TNRC6A: variants seen among roughly 807,000 people sequenced by gnomAD.
TNRC6A encodes trinucleotide repeat-containing gene 6A protein.
TNRC6A carries 44 observed loss-of-function variants against 221.2 expected under a neutral mutation model. The observed-to-expected ratio is 0.20, with a 90% confidence interval of 0.16 to 0.26. The LOEUF (loss-of-function observed/expected upper bound fraction) is 0.26. Among genes scored for constraint, TNRC6A ranks in the 10% least tolerant of loss-of-function variants. The pLI is 1.00. For missense variants in TNRC6A, 2,199 were observed against 2,404.4 expected (o/e 0.91, Z 1.79); for synonymous variants, 847 against 838.5 (o/e 1.01, Z -0.18).
intron 2 of TNRC6A, chr16:24,662,557 T>C (rs1382391314): frequency 6.6e-6 from 1 of 152,154 alleles, no homozygotes; most frequent in East Asian, 1.9e-4. Flanking sequence ...AGAATCATTA[T>C]GGGTGCCTTA....
intron 2 of TNRC6A, among the ~76,000 whole-genome samples, chr16:24,708,713 T>C (rs1310212432): frequency 6.6e-6 from 1 of 152,152 alleles, no homozygotes; most frequent in East Asian, 1.9e-4. Flanking sequence ...TGCATCCTCA[T>C]AGCTTAGCTC....
chr16:24,806,854 C>T, intron 17 of TNRC6A, 70 bp downstream of exon 17: 1 of 1,396,708 alleles, frequency 7.2e-7, no homozygotes, highest in Non-Finnish European at 1.0e-6. Flanking sequence ...TTCACACGTA[C>T]CCTTACAGCT....
intron 2 of TNRC6A, among the ~76,000 whole-genome samples, chr16:24,701,097 A>G (rs1025890269): frequency 2.0e-5 from 3 of 152,360 alleles, no homozygotes; most frequent in Admixed American, 6.5e-5. Context: ...AAAGGCAGTT[A>G]AGTTCAGAGG....
chr16:24,781,041 C>CTTTTTTTTTT, intron 5 of TNRC6A, among the ~76,000 whole-genome samples: 1 of 85,002 alleles, frequency 1.2e-5, no homozygotes, highest in African/African-American at 6.5e-5. Context: ...AGCCTCCATA[C>CTTTTTTTTTT]TCTTTTTTTT....
chr16:24,786,423 T>G (rs2057970525), intron 5 of TNRC6A, among the ~76,000 whole-genome samples: 1 of 151,630 alleles, frequency 6.6e-6, no homozygotes, highest in Non-Finnish European at 1.5e-5. Context: ...CTTCCCAGGT[T>G]CATGCCATTC....
At chr16:24,675,698 C>CTATA (rs2055402994) in intron 2 of TNRC6A, among the ~76,000 whole-genome samples, 9 of 66,588 alleles carry the variant, frequency 1.4e-4, no homozygotes, top group Non-Finnish European at 2.3e-4. Flanking sequence ...CTCTCTCTCT[C>CTATA]TCTCTATATA....
In TNRC6A at chr16:24,717,224, A is replaced by G. The variant is rs554306491; in HGVS notation, n.403-33502A>G. ...ACCAGCCTCCCAAGTAGCTAGGACTACAGGCATGAGTCACTGTACCTGGCC... is the reference window on the plus strand; with the variant it reads ...ACCAGCCTCCCAAGTAGCTAGGACTGCAGGCATGAGTCACTGTACCTGGCC... On this transcript the variant is annotated intron_variant and non_coding_transcript_variant, in intron 2 of 2. Transcript: ENST00000566108. 2.6e-5 allele frequency among the ~76,000 whole-genome samples: 4 copies of G among 152,166 alleles called. No individual in the cohort carries two copies. In the South Asian group the frequency reaches 8.3e-4, roughly 32 times the overall value.
chr16:24,778,314 T>C (rs1045137516), intron 5 of TNRC6A: 25 of 984,988 alleles, frequency 2.5e-5, no homozygotes, highest in Admixed American at 1.2e-4. Context: ...AACTACTCTG[T>C]ACATTGTAAT....
chr16:24,727,280 C>A (rs984345237), upstream of TNRC6A, among the ~76,000 whole-genome samples: 1 of 152,136 alleles, frequency 6.6e-6, no homozygotes, highest in Non-Finnish European at 1.5e-5. Flanking sequence ...CTGCCCACTT[C>A]GGCCTCCCAA....
chr16:24,753,087 C>T (rs1367615939), intron 3 of TNRC6A, among the ~76,000 whole-genome samples: 1 of 152,082 alleles, frequency 6.6e-6, no homozygotes, highest in Non-Finnish European at 1.5e-5. Flanking sequence ...TCTAAATCAC[C>T]AAGTCAGTAT....
chr16:24,807,412 T>G lies in TNRC6A; in HGVS notation c.4540+628T>G, dbSNP rs554336763. Among the ~76,000 whole-genome samples the G allele has an allele frequency of 1.9e-4, 29 of 152,290 alleles. No individual in the cohort carries two copies. In the East Asian group the frequency reaches 4.1e-3, roughly 21 times the overall value. ...AGCTGTCTTAATCTTAAGTAGGATA[T>G]TAAGGGTGGGAAGGAAGGCTGATGT... On this transcript the variant is annotated intron_variant, in intron 17 of 24. Transcript: ENST00000395799.
intron 1 of TNRC6A, among the ~76,000 whole-genome samples, chr16:24,633,664 A>C (rs1049582999): frequency 6.6e-6 from 1 of 152,150 alleles, no homozygotes; most frequent in African/African-American, 2.4e-5. Context: ...AAGTGCTGGG[A>C]TTACAGGCGT....
intron 2 of TNRC6A, among the ~76,000 whole-genome samples, chr16:24,651,933 TA>T (rs1328236239): frequency 3.3e-3 from 431 of 129,798 alleles, no homozygotes; most frequent in East Asian, 0.021. Context: ...ACCCCCTCTC[TA>T]AAAAAAAAAA....
chr16:24,750,969 T>G lies in TNRC6A; in HGVS notation c.141+156T>G, dbSNP rs182757603. On this transcript the variant is annotated intron_variant, in intron 3 of 24. Coordinates refer to ENST00000395799, the MANE Select transcript of TNRC6A (RefSeq NM_014494.4). Reference sequence around the variant, plus strand: ...AATGTCTTTGAATATGCATATAAAGTAACTTGCTGAGTTTGTACAATTTAA... The same window carrying G: ...AATGTCTTTGAATATGCATATAAAGGAACTTGCTGAGTTTGTACAATTTAA... Among the ~76,000 whole-genome samples, 6 of 152,358 alleles carry G rather than the reference T, an allele frequency of 3.9e-5. No individual in the cohort carries two copies. The East Asian group carries it at 1.2e-3, about 29-fold the overall frequency.
intron 2 of TNRC6A, among the ~76,000 whole-genome samples, chr16:24,710,914 C>T (rs1320365688): frequency 1.3e-5 from 2 of 151,316 alleles, no homozygotes; most frequent in Non-Finnish European, 2.9e-5. Flanking sequence ...CTCGCTCTGC[C>T]GCCCAGGCTG....
chr16:24,802,713 C>G (rs544270267), intron 11 of TNRC6A, among the ~76,000 whole-genome samples: 1 of 152,246 alleles, frequency 6.6e-6, no homozygotes, highest in Non-Finnish European at 1.5e-5. Flanking sequence ...CTAAGGAAAG[C>G]AAGTTTACAG....
At chr16:24,666,657 A>T in intron 2 of TNRC6A, among the ~76,000 whole-genome samples, 1 of 127,186 alleles carries the variant, frequency 7.9e-6, no homozygotes, top group African/African-American at 3.3e-5. Flanking sequence ...AAAAAAAAAA[A>T]AAAAAAAAAA....
chr16:24,694,628 T>C (rs899606660), intron 2 of TNRC6A, among the ~76,000 whole-genome samples: 7 of 112,038 alleles, frequency 6.2e-5, no homozygotes, highest in Non-Finnish European at 8.2e-5. Flanking sequence ...CACTCCAGCC[T>C]GGGTGACAGA....
intron 8 of TNRC6A, among the ~76,000 whole-genome samples, chr16:24,795,411 A>C (rs926449465): frequency 3.9e-5 from 6 of 152,146 alleles, no homozygotes; most frequent in African/African-American, 1.4e-4. Flanking sequence ...GGTTCTTAAG[A>C]GGTGGCACTG....
Sources: allele counts gnomAD v4.1 joint callset (sites outside exome capture counted in the v4.1 genomes callset), GRCh38; gene constraint gnomAD v4.1.1; transcripts MANE v1.5; gene names NCBI Gene and HGNC (gene_info 2026-07-23, HGNC 2026-07-21).